The following CDYL variants were observed in gnomAD, a reference collection of about 807,000 sequenced individuals.
CDYL encodes the protein chromodomain Y like.
Under a neutral mutation model 47.3 loss-of-function variants are expected in CDYL, and 8 were observed. The ratio of observed to expected loss-of-function variants is 0.17; its 90% CI spans 0.10 to 0.31. The LOEUF (loss-of-function observed/expected upper bound fraction) is 0.31. CDYL is among the 10% of genes least tolerant of loss of function. CDYL has a pLI of 1.00. For synonymous variants in CDYL, 266 were observed against 265.0 expected (o/e 1.00, Z -0.04); for missense variants, 471 against 701.4 (o/e 0.67, Z 3.71).
intron 1 of CDYL, among the ~76,000 whole-genome samples, chr6:4,788,148 T>G (rs1370986774): frequency 6.6e-6 from 1 of 152,026 alleles, no homozygotes; most frequent in African/African-American, 2.4e-5. Context: ...AGTGGCTCAC[T>G]TCTGTAGCAG....
intron 3 of CDYL, among the ~76,000 whole-genome samples, chr6:4,766,708 T>TA (rs750711593): frequency 7.9e-5 from 12 of 151,986 alleles, no homozygotes; most frequent in Non-Finnish European, 1.3e-4. Context: ...ACCTTGATAT[T>TA]AAAATCTGAC....
At chr6:4,764,753 T>C (rs1758226668) in intron 3 of CDYL, among the ~76,000 whole-genome samples, 1 of 152,198 alleles carries the variant, frequency 6.6e-6, no homozygotes. Flanking sequence ...ACAGAAAGGC[T>C]TAGACAAATT....
intron 2 of CDYL, among the ~76,000 whole-genome samples, chr6:4,927,501 G>A (rs1396103513): frequency 1.3e-5 from 2 of 150,632 alleles, no homozygotes; most frequent in Non-Finnish European, 1.5e-5. Context: ...AAGCTGGAGT[G>A]CAGTGGTGTG....
rs76456250 is a variant in CDYL at position 4,806,093 on chromosome 6, G to A, written c.24+29286G>A. ...GAGCGGGTGTACATGCCGCAGGGAC[G>A]CAAGACCTGCCAGTGCTGGACAGAG... On this transcript the variant is annotated intron_variant, in intron 1 of 6. Coordinates refer to ENST00000397588, the MANE Select transcript of CDYL (RefSeq NM_004824.4). 1.5e-3 allele frequency among the ~76,000 whole-genome samples: 230 copies of A among 152,366 alleles called. 3 individuals carry two copies. In the East Asian group the frequency reaches 0.04, roughly 26 times the overall value.
At chr6:4,735,025 G>C (rs1400118131) in intron 3 of CDYL, among the ~76,000 whole-genome samples, 1 of 152,190 alleles carries the variant, frequency 6.6e-6, no homozygotes, top group African/African-American at 2.4e-5. Context: ...AGTGGCTCAT[G>C]CCTGTAATCC....
At chr6:4,905,162 A>C (rs1175289125) in intron 2 of CDYL, among the ~76,000 whole-genome samples, 2 of 152,152 alleles carry the variant, frequency 1.3e-5, no homozygotes, top group Non-Finnish European at 2.9e-5. Context: ...CGTCTTACTG[A>C]ACCTGGGTTT....
chr6:4,923,057 C>T (rs1757764264), intron 2 of CDYL, among the ~76,000 whole-genome samples: 1 of 152,158 alleles, frequency 6.6e-6, no homozygotes, highest in Non-Finnish European at 1.5e-5. Flanking sequence ...TCACTTCAGA[C>T]ATTTATCATT....
intron 1 of CDYL, among the ~76,000 whole-genome samples, chr6:4,805,686 G>A (rs943122296): frequency 1.3e-5 from 2 of 152,194 alleles, no homozygotes; most frequent in Admixed American, 6.5e-5. Flanking sequence ...GCAGTGACGT[G>A]TGAGGGCAAG....
chr6:4,860,639 A>G (rs1486163264), intron 1 of CDYL, among the ~76,000 whole-genome samples: 1 of 147,734 alleles, frequency 6.8e-6, no homozygotes, highest in Non-Finnish European at 1.5e-5. Flanking sequence ...TGTATATTAT[A>G]TAATATATAA....
At chr6:4,755,659 T>C (rs919518644) in intron 3 of CDYL, among the ~76,000 whole-genome samples, 1 of 152,226 alleles carries the variant, frequency 6.6e-6, no homozygotes, top group Non-Finnish European at 1.5e-5. Flanking sequence ...AAGAAAACTT[T>C]TATCAATTAT....
chr6:4,710,724 G>A (rs995147860), intron 1 of CDYL, among the ~76,000 whole-genome samples: 5 of 152,116 alleles, frequency 3.3e-5, no homozygotes, highest in African/African-American at 1.2e-4. Context: ...GTACCTGGAT[G>A]TTTCCCTTCT....
At chr6:4,946,857 A>G (rs884776) in intron 5 of CDYL, among the ~76,000 whole-genome samples, 77,400 of 151,862 alleles carry the variant, frequency 0.51, 21,746 homozygotes, top group East Asian at 0.72. Flanking sequence ...CAGGCTCCAT[A>G]TGCATCTTGT....
chr6:4,706,434 TTTTC>T (rs879447922), intron 1 of CDYL, among the ~76,000 whole-genome samples: 31 of 152,048 alleles, frequency 2.0e-4, no homozygotes, highest in Non-Finnish European at 2.4e-4. Flanking sequence ...GGTGGTTTTT[TTTTC>T]TTTTCATTTG....
chr6:4,775,361 C>T (rs1758409613), upstream of CDYL: 1 of 152,296 alleles, frequency 6.6e-6, no homozygotes, highest in Admixed American at 6.6e-5. The surrounding 1 kb of genome is among the most constrained non-coding windows in gnomAD (Gnocchi z 7.0). Context: ...GTCCAGGGCC[C>T]GGCAGGTGTG....
chr6:4,852,371 C>CT (rs1760857845), intron 1 of CDYL, among the ~76,000 whole-genome samples: 2 of 138,012 alleles, frequency 1.4e-5, no homozygotes, highest in African/African-American at 6.2e-5. Context: ...TCCTTCCTTC[C>CT]TCCTTCCTTC....
At chr6:4,809,124 G>T (rs1057124734) in intron 1 of CDYL, among the ~76,000 whole-genome samples, 1 of 151,860 alleles carries the variant, frequency 6.6e-6, no homozygotes, top group Non-Finnish European at 1.5e-5. Flanking sequence ...TGTATGTTTT[G>T]TGCAAATCAA....
upstream of CDYL, chr6:4,773,007 G>A (rs74933328): frequency 0.011 from 4,273 of 395,236 alleles, 25 homozygotes; most frequent in Non-Finnish European, 0.015. This position sits in a 1 kb window ranked among gnomAD's most constrained non-coding sequence, Gnocchi z 4.6. Flanking sequence ...GGGAAAAGAG[G>A]AGGATCTCAG....
In CDYL at chr6:4,738,388, G is replaced by A. The variant is rs558022087; in HGVS notation, c.186+3544G>A. Among the ~76,000 whole-genome samples, 243 of 47,040 alleles carry A rather than the reference G, an allele frequency of 5.2e-3. 1 individual carries two copies. The highest frequency in any genetic ancestry group is 0.02 in the African/African-American group (225 of 11,476). 30.9% of individuals were successfully genotyped at this position (47,040 alleles called of 152,430 possible). ...AGTGAGACTCTGTCTCAGAAAAGTA[G>A]TAATAAGTAAAAATAAAACAAATGC... On this transcript the variant is annotated intron_variant, in intron 3 of 8. Transcript: ENST00000328908.
intron 1 of CDYL, among the ~76,000 whole-genome samples, chr6:4,820,916 A>G (rs1759817166): frequency 6.6e-6 from 1 of 152,220 alleles, no homozygotes. Flanking sequence ...GCCTTGACTC[A>G]CATCTGGAAT....
Sources: gnomAD v4.1 joint callset for allele counts (sites outside exome capture counted in the v4.1 genomes callset) on GRCh38, gnomAD v4.1.1 for gene constraint, Gnocchi (gnomAD v3.1) non-coding constraint, MANE v1.5 for transcripts, NCBI Gene and HGNC (gene_info 2026-07-23, HGNC 2026-07-21) for gene names.